C11orf65: variants seen among roughly 807,000 people sequenced by gnomAD.
C11orf65 encodes chromosome 11 open reading frame 65, also known as protein MFI.
Under a neutral mutation model 35.3 loss-of-function variants are expected in C11orf65, and 38 were observed. That is an observed-to-expected ratio of 1.08 (90% CI 0.83 to 1.41). C11orf65 has a LOEUF of 1.41. Among genes scored for constraint, C11orf65 ranks in the 40% most tolerant of loss-of-function variants. The pLI is 0.00. For synonymous variants in C11orf65, 105 were observed against 114.4 expected (o/e 0.92, Z 0.53); for missense variants, 370 against 367.1 (o/e 1.01, Z -0.06).
At chr11:108,334,602 A>G (rs227061) in intron 3 of C11orf65, among the ~76,000 whole-genome samples, 79,579 of 152,008 alleles carry the variant, frequency 0.52, 21,725 homozygotes, top group Middle Eastern at 0.73. Context: ...TAGCTGTATC[A>G]TGTGGATTAA....
chr11:108,416,296 A>T (rs2092730092), intron 3 of C11orf65, among the ~76,000 whole-genome samples: 2 of 152,236 alleles, frequency 1.3e-5, no homozygotes, highest in Non-Finnish European at 2.9e-5. Flanking sequence ...AGGACCTGTA[A>T]AGCTATCTTC....
intron 2 of C11orf65, among the ~76,000 whole-genome samples, chr11:108,456,309 T>G (rs532582096): frequency 6.6e-6 from 1 of 152,098 alleles, no homozygotes; most frequent in African/African-American, 2.4e-5. Context: ...CAGTTGGATA[T>G]CCATAAGAAA....
In C11orf65 at chr11:108,317,607, G is replaced by T. The variant is rs573968136; in HGVS notation, c.641-8536C>A. On this transcript the variant is annotated intron_variant, in intron 6 of 6. Coordinates refer to the C11orf65 transcript ENST00000525729. ...TTTTTCTCTTCTATGAATATAACAGGAGTTGTTTTATATATATATATATAT... is the reference window on the plus strand; with the variant it reads ...TTTTTCTCTTCTATGAATATAACAGTAGTTGTTTTATATATATATATATAT... 222 of 591,696 alleles carry T rather than the reference G, an allele frequency of 3.8e-4. 1 individual carries two copies. In the Admixed American group the frequency reaches 6.5e-3, roughly 17 times the overall value. The allele number at this position is 591,696 out of a possible 1,614,324, so 36.7% of individuals were successfully genotyped here. A position where few individuals can be genotyped will look rare whatever the true frequency, so the allele number is the denominator to read the frequency against.
At chr11:108,402,936 T>C (rs1461673933) in intron 6 of C11orf65, among the ~76,000 whole-genome samples, 1 of 152,240 alleles carries the variant, frequency 6.6e-6, no homozygotes, top group Non-Finnish European at 1.5e-5. Context: ...TGCTGCGTAG[T>C]ATTCCTTTGT....
chr11:108,421,643 G>GCAAGACTC (rs1314409086), intron 3 of C11orf65, among the ~76,000 whole-genome samples: 6 of 152,100 alleles, frequency 3.9e-5, no homozygotes, highest in South Asian at 4.1e-4. Flanking sequence ...GGGTGACAGA[G>GCAAGACTC]CAAGACTCCA....
downstream of C11orf65, chr11:108,330,488 C>G: frequency 1.3e-6 from 2 of 1,498,384 alleles, no homozygotes; most frequent in South Asian, 2.3e-5. Flanking sequence ...CCCTTGATGT[C>G]AGGAATCGTG....
chr11:108,439,818 G>C (rs1337027129), intron 2 of C11orf65, among the ~76,000 whole-genome samples: 2 of 152,148 alleles, frequency 1.3e-5, no homozygotes, highest in African/African-American at 4.8e-5. Context: ...GTGGTTAGGA[G>C]GTTTTTGTTT....
chr11:108,448,868 T>C (rs1032894896), intron 2 of C11orf65, among the ~76,000 whole-genome samples: 10 of 152,174 alleles, frequency 6.6e-5, no homozygotes, highest in African/African-American at 2.4e-4. Context: ...ACGACATGAT[T>C]GTATATCTAG....
chr11:108,467,230 G>A (rs1029979537), intron 1 of C11orf65, among the ~76,000 whole-genome samples: 1 of 152,128 alleles, frequency 6.6e-6, no homozygotes, highest in African/African-American at 2.4e-5. Context: ...CAACTTCACC[G>A]AGGGCGAGGA....
At chr11:108,428,118 C>T (rs1044876464) in intron 3 of C11orf65, among the ~76,000 whole-genome samples, 3 of 151,546 alleles carry the variant, frequency 2.0e-5, no homozygotes, top group African/African-American at 7.3e-5. Context: ...CGTGAGCCAC[C>T]GCGCCCACCC....
intron 1 of C11orf65, 44 bp from the exon 2 acceptor site, chr11:108,461,612 A>T (rs1335000359): frequency 8.5e-7 from 1 of 1,183,392 alleles, no homozygotes; most frequent in South Asian, 1.4e-5. Flanking sequence ...AATAATTTTA[A>T]TTTACTTTCA....
At chr11:108,372,472 C>G (rs185058987) in intron 2 of C11orf65, among the ~76,000 whole-genome samples, 2 of 152,168 alleles carry the variant, frequency 1.3e-5, no homozygotes, top group African/African-American at 4.8e-5. Flanking sequence ...GGATTACAGG[C>G]GTGAGCCACT....
rs2136237859 is a variant in C11orf65, at chr11:108,321,286, C to CT, written c.641-12216dup. The CT allele has an allele frequency of 6.2e-7, 1 of 1,613,444 alleles. No homozygotes were observed. On this transcript the variant is annotated intron_variant, in intron 6 of 6. Transcript: ENST00000525729. ...CTTCTTTATTTTCAGAGTGTCTTTT[C>CT]TTTTTTGCTACTAGAGTAAAAGAAG...
intron 6 of C11orf65, among the ~76,000 whole-genome samples, chr11:108,323,459 T>C (rs1172289546): frequency 6.6e-6 from 1 of 151,910 alleles, no homozygotes; most frequent in African/African-American, 2.4e-5. Flanking sequence ...CACAGGTAAA[T>C]AGAAGAAATA....
At chr11:108,381,900 G>T (rs1055572480), downstream of C11orf65, among the ~76,000 whole-genome samples, 5 of 151,802 alleles carry the variant, frequency 3.3e-5, no homozygotes, top group Admixed American at 2.0e-4. Flanking sequence ...TGGCCTCTCA[G>T]ACTAGTTCTT....
chr11:108,438,443 C>A (rs1010076777), intron 2 of C11orf65, among the ~76,000 whole-genome samples: 1 of 151,664 alleles, frequency 6.6e-6, no homozygotes, highest in African/African-American at 2.4e-5. Context: ...CCCAGCTACT[C>A]GGTAGGCTGA....
chr11:108,403,255 G>A lies in C11orf65; in HGVS notation c.560+2174C>T, dbSNP rs12288474. Among the ~76,000 whole-genome samples, 1,123 of 152,272 alleles carry A rather than the reference G, an allele frequency of 7.4e-3. 11 individuals are homozygous for A. The highest frequency in any genetic ancestry group is 0.025 in the African/African-American group (1,026 of 41,558). On this transcript the variant is annotated intron_variant, in intron 6 of 8. Transcript: ENST00000393084. The stretch of plus-strand genomic sequence containing the variant: ...GACTATTTCAGTCATTCTAGTGGGT[G>A]TGTAGGGGTATCTCATTATCATTTT...
intron 3 of C11orf65, among the ~76,000 whole-genome samples, chr11:108,408,674 T>TAAACAAAACAAAACAAAACAAAACA (rs2092592360): frequency 1.3e-5 from 1 of 77,192 alleles, no homozygotes; most frequent in African/African-American, 5.8e-5. Context: ...TCTGTCTCAA[T>TAAACAAAACAAAACAAAACAAAACA]AAATAAAATA....
At chr11:108,440,142 G>C (rs1485154242) in intron 2 of C11orf65, among the ~76,000 whole-genome samples, 1 of 152,128 alleles carries the variant, frequency 6.6e-6, no homozygotes, top group Non-Finnish European at 1.5e-5. Flanking sequence ...TCTGAAAAGG[G>C]TAAAAGTACT....
Sources: allele counts gnomAD v4.1 joint callset (sites outside exome capture counted in the v4.1 genomes callset), GRCh38; gene constraint gnomAD v4.1.1; transcripts MANE v1.5; gene names NCBI Gene and HGNC (gene_info 2026-07-23, HGNC 2026-07-21).